GC: variants seen among roughly 807,000 people sequenced by gnomAD.
GC encodes GC vitamin D binding protein.
In GC, 43 loss-of-function variants were observed where a neutral mutation model predicts 56.7. The ratio of observed to expected loss-of-function variants is 0.76; its 90% CI spans 0.59 to 0.98. GC has a LOEUF of 0.98. GC is among the 50% of genes least tolerant of loss of function. The probability of loss-of-function intolerance (pLI) is 0.00; values close to 1 mark genes in which losing one functional copy is unlikely to be tolerated. For missense variants in GC, 529 were observed against 545.9 expected (o/e 0.97, Z 0.31); for synonymous variants, 216 against 202.7 (o/e 1.07, Z -0.56).
chr4:71,755,070 C>T lies in GC; in HGVS notation c.1072G>A (p.Glu358Lys), dbSNP rs1322837612. 1 of 1,593,870 alleles carries T rather than the reference C, an allele frequency of 6.3e-7. No individual in the cohort carries two copies. ...TCAAGTACCTTACTGAGGAATACTT[C>T]CGGAAGATGAGTCCTTCTGCTTAGT... Reference protein sequence around the residue: ...FELSRRTHLPEVFLSKVLEPT... With the variant: ...FELSRRTHLPKVFLSKVLEPT... Residue 358 changes from glutamate (E) to lysine (K), a missense_variant, in exon 9 of 13, where the codon GAA becomes AAA. Coordinates refer to ENST00000273951, the MANE Select transcript of GC (RefSeq NM_000583.4).
rs1329358017 is a variant in GC at position 71,780,012 on chromosome 4, TG to T, written c.58+3948del. Among the ~76,000 whole-genome samples the T allele has an allele frequency of 2.0e-5, 3 of 151,948 alleles. 1 individual carries two copies. Among genetic ancestry groups the T allele is most frequent in the African/African-American group, 7.2e-5 (3 of 41,416 alleles). ...AATGTTCATAATAAAAACCTCTTTTTGCCAACAGCTCTTATCAACTGCAGTG... is the reference window on the plus strand; with the variant it reads ...AATGTTCATAATAAAAACCTCTTTTTCCAACAGCTCTTATCAACTGCAGTG... On this transcript the variant is annotated intron_variant, in intron 1 of 12. Transcript: ENST00000273951.
intron 1 of GC, among the ~76,000 whole-genome samples, chr4:71,772,569 A>G (rs1340025226): frequency 1.3e-5 from 2 of 152,190 alleles, no homozygotes; most frequent in Non-Finnish European, 2.9e-5. Flanking sequence ...TTATTTAACT[A>G]TTTGTGTTTG....
At chr4:71,770,992 T>C (rs1214412472) in intron 1 of GC, among the ~76,000 whole-genome samples, 1 of 152,148 alleles carries the variant, frequency 6.6e-6, no homozygotes, top group Non-Finnish European at 1.5e-5. Context: ...AGTCAGTCAG[T>C]GTTCTCCTAA....
intron 6 of GC, among the ~76,000 whole-genome samples, chr4:71,759,026 A>G (rs1741876827): frequency 6.6e-6 from 1 of 152,186 alleles, no homozygotes; most frequent in African/African-American, 2.4e-5. Context: ...ATGAGTTGGA[A>G]TTGTACAGTA....
At chr4:71,761,887 A>C (rs1356002576) in intron 6 of GC, among the ~76,000 whole-genome samples, 1 of 152,236 alleles carries the variant, frequency 6.6e-6, no homozygotes, top group Non-Finnish European at 1.5e-5. Context: ...TTGGATGTCC[A>C]GGCAGAGGTT....
chr4:71,749,855 C>A (rs149763842), intron 11 of GC, among the ~76,000 whole-genome samples: 1 of 152,238 alleles, frequency 6.6e-6, no homozygotes, highest in Non-Finnish European at 1.5e-5. Flanking sequence ...CTCTCTTCAT[C>A]TGGAATTCTG....
At chr4:71,783,901 A>C in intron 1 of GC, 60 bp downstream of exon 1, 1 of 1,249,012 alleles carries the variant, frequency 8.0e-7, no homozygotes, top group Non-Finnish European at 1.1e-6. Flanking sequence ...TTTTTAAGTG[A>C]TAATATAAAA....
intron 11 of GC, among the ~76,000 whole-genome samples, chr4:71,749,841 C>T (rs527244475): frequency 2.0e-4 from 31 of 152,154 alleles, no homozygotes; most frequent in East Asian, 1.7e-3. Flanking sequence ...TTTATTCTAC[C>T]GTACTCTCTT....
chr4:71,745,411 T>G (rs1042160834), intron 12 of GC, among the ~76,000 whole-genome samples: 1 of 152,204 alleles, frequency 6.6e-6, no homozygotes, highest in Non-Finnish European at 1.5e-5. Context: ...ATTGGAAGGC[T>G]TTTGTTTCCA....
At chr4:71,786,675 C>G (rs1441734050), upstream of GC, among the ~76,000 whole-genome samples, 1 of 151,742 alleles carries the variant, frequency 6.6e-6, no homozygotes, top group Non-Finnish European at 1.5e-5. Flanking sequence ...GCAGATAAAG[C>G]CTGTCTTTAG....
Position 71,769,397 on chromosome 4 carries a change from C to T in GC, c.62G>A (p.Arg21Gln), listed in dbSNP as rs117925738. The T allele has an allele frequency of 1.1e-4, 175 of 1,610,724 alleles. No homozygotes were observed. In the East Asian group the frequency reaches 2.9e-3, roughly 26 times the overall value. ...GCAGACTTTATTCTTTTCATAATCC[C>T]GGCCTAGGAGGCAGAAATAGAAAAA... ...VAFGHALERGRDYEKNKVCKE... is the reference protein window; with the variant it reads ...VAFGHALERGQDYEKNKVCKE... Residue 21 changes from arginine (R) to glutamine (Q), a missense_variant, in exon 2 of 13, where the codon CGG becomes CAG. By Grantham distance (43) the Arg-to-Gln change is conservative. Transcript: ENST00000273951.
At chr4:71,757,909 A>G in intron 7 of GC, 133 bp downstream of exon 7, 1 of 651,498 alleles carries the variant, frequency 1.5e-6, no homozygotes, top group Non-Finnish European at 2.5e-6. Context: ...ATAATTATTT[A>G]TATTTCATAG....
intron 1 of GC, among the ~76,000 whole-genome samples, chr4:71,783,327 A>G (rs1223031512): frequency 6.6e-6 from 1 of 151,780 alleles, no homozygotes; most frequent in Non-Finnish European, 1.5e-5. Flanking sequence ...AGTCTTTATC[A>G]TGTAAAAAAA....
intron 11 of GC, among the ~76,000 whole-genome samples, chr4:71,748,646 C>CT (rs1480434998): frequency 1.3e-5 from 2 of 152,050 alleles, no homozygotes; most frequent in Non-Finnish European, 2.9e-5. Context: ...GCAAATGGGT[C>CT]TTTTTTGGCA....
chr4:71,782,138 A>G (rs1483642500), intron 1 of GC, among the ~76,000 whole-genome samples: 1 of 151,738 alleles, frequency 6.6e-6, no homozygotes, highest in African/African-American at 2.4e-5. Context: ...CTTGAGTGTA[A>G]TATATTTTGA....
intron 1 of GC, among the ~76,000 whole-genome samples, chr4:71,800,976 T>C (rs1743234552): frequency 6.6e-6 from 1 of 151,098 alleles, no homozygotes; most frequent in Non-Finnish European, 1.5e-5. Context: ...TCAAATAAAA[T>C]AGAAAAATGG....
intron 1 of GC, among the ~76,000 whole-genome samples, chr4:71,794,341 A>G (rs1260193749): frequency 6.6e-6 from 1 of 152,084 alleles, no homozygotes; most frequent in African/African-American, 2.4e-5. Context: ...AGAGTCTGTT[A>G]TTGGTCTATT....
intron 9 of GC, among the ~76,000 whole-genome samples, 187 bp from the exon 10 acceptor site, chr4:71,754,695 C>T (rs1426539278): frequency 1.2e-4 from 18 of 152,174 alleles, no homozygotes; most frequent in Admixed American, 1.2e-3. Context: ...CAACTCTGTA[C>T]AGAAGCAGTT....
chr4:71,765,956 GAT>G (rs1742141973), intron 3 of GC, among the ~76,000 whole-genome samples: 1 of 152,274 alleles, frequency 6.6e-6, no homozygotes, highest in South Asian at 2.1e-4. Context: ...CCTCCGTGGG[GAT>G]ATTAACATCT....
Sources: gnomAD v4.1 joint callset for allele counts (sites outside exome capture counted in the v4.1 genomes callset) on GRCh38, gnomAD v4.1.1 for gene constraint, MANE v1.5 for transcripts, NCBI Gene and HGNC (gene_info 2026-07-23, HGNC 2026-07-21) for gene names.